Variants in KCNT2 observed in about 807,000 individuals in gnomAD.
The protein encoded by KCNT2 is potassium sodium-activated channel subfamily T member 2.
A neutral mutation model predicts 153.8 loss-of-function variants in KCNT2; 67 were observed. That is an observed-to-expected ratio of 0.44 (90% confidence interval 0.36 to 0.53). The LOEUF is 0.53. Among genes scored for constraint, KCNT2 ranks in the 20% least tolerant of loss-of-function variants. KCNT2 has a pLI of 0.00. For synonymous variants in KCNT2, 500 were observed against 458.8 expected (o/e 1.09, Z -1.15); for missense variants, 975 against 1,354.8 (o/e 0.72, Z 4.40).
chr1:196,469,680 G>C (rs1677920651), intron 5 of KCNT2, among the ~76,000 whole-genome samples: 1 of 152,112 alleles, frequency 6.6e-6, no homozygotes, highest in Non-Finnish European at 1.5e-5. Flanking sequence ...GGTAACATTA[G>C]AACATTCAAC....
chr1:196,368,979 C>T (rs1247738137), intron 14 of KCNT2, among the ~76,000 whole-genome samples: 2 of 151,638 alleles, frequency 1.3e-5, no homozygotes, highest in Non-Finnish European at 2.9e-5. Context: ...TTTTTTCCCC[C>T]TCTCTCTTTT....
At chr1:196,369,744 G>C (rs1668358221) in intron 14 of KCNT2, among the ~76,000 whole-genome samples, 1 of 152,024 alleles carries the variant, frequency 6.6e-6, no homozygotes, top group Non-Finnish European at 1.5e-5. Context: ...ATTTGGGTTG[G>C]TTCCAAGTCT....
intron 25 of KCNT2, chr1:196,273,467 C>G (rs1484829515): frequency 6.5e-7 from 1 of 1,528,904 alleles, no homozygotes; most frequent in African/African-American, 1.4e-5. Flanking sequence ...AAAATACTTA[C>G]TTGTGATGCT....
At chr1:196,526,015 CTGTG>C (rs369541629) in intron 1 of KCNT2, among the ~76,000 whole-genome samples, 10,062 of 140,016 alleles carry the variant, frequency 0.072, 458 homozygotes, top group African/African-American at 0.13. Flanking sequence ...AGAACTGACT[CTGTG>C]TGTGTGTGTG....
At chr1:196,371,081 C>T (rs966018071) in intron 14 of KCNT2, among the ~76,000 whole-genome samples, 6 of 151,622 alleles carry the variant, frequency 4.0e-5, no homozygotes, top group Admixed American at 2.0e-4. Context: ...ACTGTATTAC[C>T]AAATATACTA....
chr1:196,312,787 G>A (rs187861838), intron 21 of KCNT2, among the ~76,000 whole-genome samples: 10 of 151,810 alleles, frequency 6.6e-5, no homozygotes, highest in East Asian at 1.9e-4. Context: ...TACTATTCCC[G>A]CATGCATAAT....
intron 18 of KCNT2, among the ~76,000 whole-genome samples, chr1:196,330,345 T>G (rs572694564): frequency 4.4e-4 from 67 of 152,074 alleles, no homozygotes; most frequent in Non-Finnish European, 8.0e-4. Flanking sequence ...AGGTTCATAT[T>G]AAAATAATAT....
rs575288262 is a variant in KCNT2 at position 196,339,388 on chromosome 1, C to T, written c.1783+953G>A. 2.0e-5 allele frequency among the ~76,000 whole-genome samples: 3 copies of T among 151,952 alleles called. No individual in the cohort carries two copies. The South Asian group carries it at 6.2e-4, about 32-fold the overall frequency. On this transcript the variant is annotated intron_variant, in intron 16 of 27. Transcript: ENST00000294725. ...ACTGGGTAGAATCATGGACATAGGA[C>T]AACAATAAAATTTAAAGCCTGCCAC...
intron 18 of KCNT2, among the ~76,000 whole-genome samples, chr1:196,330,678 T>C (rs1664373393): frequency 6.6e-6 from 1 of 151,984 alleles, no homozygotes; most frequent in South Asian, 2.1e-4. Context: ...AGAATGACAG[T>C]AAAATTTTGA....
chr1:196,516,879 T>A (rs1183888227), intron 1 of KCNT2, among the ~76,000 whole-genome samples: 1 of 152,066 alleles, frequency 6.6e-6, no homozygotes, highest in Non-Finnish European at 1.5e-5. Context: ...CCCAGCATAC[T>A]ACAGCACCCT....
In KCNT2 at chr1:196,287,627, C is replaced by T. The variant is rs532143503; in HGVS notation, c.2596-1869G>A. Among the ~76,000 whole-genome samples the T allele has an allele frequency of 1.8e-4, 27 of 152,208 alleles. No homozygotes were observed. In the Middle Eastern group the frequency reaches 0.014, roughly 77 times the overall value. Reference sequence around the variant, plus strand: ...ATTGATACCACCTTAAACAGCAACGCTAATTAAAATTAATTCCATTCACTA... The same window carrying T: ...ATTGATACCACCTTAAACAGCAACGTTAATTAAAATTAATTCCATTCACTA... On this transcript the variant is annotated intron_variant, in intron 22 of 27. Coordinates refer to ENST00000294725, the MANE Select transcript of KCNT2 (RefSeq NM_198503.5).
At chr1:196,495,262 C>CT (rs565569330) in intron 1 of KCNT2, among the ~76,000 whole-genome samples, 79 of 144,232 alleles carry the variant, frequency 5.5e-4, no homozygotes, top group South Asian at 3.5e-3. Flanking sequence ...TAAAGTAGAG[C>CT]TTTTTTTTTT....
chr1:196,500,497 T>G (rs367934839), intron 1 of KCNT2, among the ~76,000 whole-genome samples: 2 of 152,290 alleles, frequency 1.3e-5, no homozygotes, highest in South Asian at 2.1e-4. Context: ...ATTTGTAAAA[T>G]ATTATAAAAG....
intron 20 of KCNT2, among the ~76,000 whole-genome samples, chr1:196,316,349 T>A (rs1467687298): frequency 6.6e-6 from 1 of 151,700 alleles, no homozygotes; most frequent in Non-Finnish European, 1.5e-5. Flanking sequence ...ATAGAGCATA[T>A]TAGAAATTTG....
intron 27 of KCNT2, among the ~76,000 whole-genome samples, chr1:196,231,873 A>G (rs933696002): frequency 6.6e-6 from 1 of 151,892 alleles, no homozygotes; most frequent in African/African-American, 2.4e-5. Context: ...AAATAAATAT[A>G]TGCAACACAG....
At chr1:196,403,050 C>T (rs1219592681) in intron 12 of KCNT2, among the ~76,000 whole-genome samples, 5 of 151,590 alleles carry the variant, frequency 3.3e-5, no homozygotes, top group African/African-American at 1.2e-4. Flanking sequence ...AATAATCCAG[C>T]AATTGGGCTC....
chr1:196,304,475 T>G (rs1420318895), intron 22 of KCNT2, among the ~76,000 whole-genome samples: 6 of 152,102 alleles, frequency 3.9e-5, no homozygotes, highest in African/African-American at 1.4e-4. Context: ...TGTCTCAGCT[T>G]CCCAGGTCAC....
chr1:196,270,334 C>A (rs1466581697), intron 25 of KCNT2, among the ~76,000 whole-genome samples: 2 of 151,946 alleles, frequency 1.3e-5, no homozygotes, highest in African/African-American at 4.8e-5. Flanking sequence ...AGAACGGTTT[C>A]TGTAACCAAA....
chr1:196,335,510 A>T lies in KCNT2; in HGVS notation c.1784-1450T>A, dbSNP rs1664937929. On this transcript the variant is annotated intron_variant, in intron 16 of 27. Coordinates refer to ENST00000294725, the MANE Select transcript of KCNT2 (RefSeq NM_198503.5). ...CAATTCTAACACAATGGTAATCTCA[A>T]TATAGAAAACATACAGTAAAAACAT... 1.3e-5 allele frequency among the ~76,000 whole-genome samples: 2 copies of T among 152,264 alleles called. 1 individual carries two copies. The highest frequency in any genetic ancestry group is 4.1e-4 in the South Asian group (2 of 4,830).
Sources: gnomAD v4.1 joint callset for allele counts (sites outside exome capture counted in the v4.1 genomes callset) on GRCh38, gnomAD v4.1.1 for gene constraint, MANE v1.5 for transcripts, NCBI Gene and HGNC (gene_info 2026-07-23, HGNC 2026-07-21) for gene names.